EDRF1: variants seen among roughly 807,000 people sequenced by gnomAD.
EDRF1 encodes the protein erythroid differentiation regulatory factor 1.
A neutral mutation model predicts 148.7 loss-of-function variants in EDRF1; 69 were observed. That is an observed-to-expected ratio of 0.46 (90% CI 0.38 to 0.57). The LOEUF (loss-of-function observed/expected upper bound fraction) is 0.57. Ranked by LOEUF, EDRF1 falls within the 20% of genes least tolerant of loss-of-function variation. The pLI, the probability that EDRF1 is intolerant of heterozygous loss-of-function variation, is 0.00. For synonymous variants in EDRF1, 515 were observed against 532.8 expected, an observed-to-expected ratio of 0.97 and a Z score of 0.46; for missense variants, 1,118 against 1,478.7, an observed-to-expected ratio of 0.76 and a Z score of 4.00.
rs1306508900 is a variant in EDRF1 at position 125,719,975 on chromosome 10, G to C, written c.108+60G>C. 1.4e-5 allele frequency: 20 copies of C among 1,480,082 alleles called. No individual in the cohort carries two copies. In the East Asian group the frequency reaches 3.7e-4, roughly 27 times the overall value. 91.7% of individuals were successfully genotyped at this position (1,480,082 alleles called of 1,614,324 possible). A position where few individuals can be genotyped will look rare whatever the true frequency, so the allele number is the denominator to read the frequency against. Reference sequence around the variant, plus strand: ...GTGGGAGCGGAGGACCCGCTCCACCGGGGAGGGATGCCACGGTTCCCGGCA... The same window carrying C: ...GTGGGAGCGGAGGACCCGCTCCACCCGGGAGGGATGCCACGGTTCCCGGCA... On this transcript the variant is annotated intron_variant, in intron 1 of 24. Transcript: ENST00000356792.
At chr10:125,724,088 A>G in intron 4 of EDRF1, 152 bp downstream of exon 4, 1 of 873,626 alleles carries the variant, frequency 1.1e-6, no homozygotes, top group Middle Eastern at 3.5e-4. Flanking sequence ...GAAAAGCTTG[A>G]ATGAAGAAAA....
chr10:125,726,116 C>T lies in EDRF1; in HGVS notation c.792+278C>T, dbSNP rs116343464. Among the ~76,000 whole-genome samples, 776 of 151,962 alleles carry T rather than the reference C, an allele frequency of 5.1e-3. 2 individuals are homozygous for T. Among genetic ancestry groups the T allele is most frequent in the African/African-American group, 0.017 (686 of 41,462 alleles). On this transcript the variant is annotated intron_variant, in intron 6 of 24. Transcript: ENST00000356792. ...ATATGTTTATTAATACTGATTATCT[C>T]CTTCAAGTGATGAGTATTATATAGA...
intron 19 of EDRF1, chr10:125,747,054 T>C (rs749370381): frequency 2.0e-4 from 31 of 156,210 alleles, no homozygotes; most frequent in East Asian, 1.1e-3. Context: ...ACACCAGAAA[T>C]GTAGAAATTA....
At chr10:125,762,479 T>C (rs555783892) in intron 24 of EDRF1, among the ~76,000 whole-genome samples, 7 of 149,620 alleles carry the variant, frequency 4.7e-5, no homozygotes, top group East Asian at 2.0e-4. Flanking sequence ...GGTCTCCACC[T>C]GGACTCATTT....
chr10:125,734,194 C>T lies in EDRF1; in HGVS notation c.1497+11C>T, dbSNP rs1477229050. ...AGTAGGCATCCTCAAGTAAGATTAA[C>T]ATTTATGTATTCTCTAAAACAATCC... On this transcript the variant is annotated intron_variant, in intron 12 of 24. Transcript: ENST00000356792. The T allele has an allele frequency of 6.4e-7, 1 of 1,560,610 alleles. No individual in the cohort carries two copies. The highest frequency in any genetic ancestry group is 1.4e-5 in the African/African-American group (1 of 73,786).
intron 2 of EDRF1, among the ~76,000 whole-genome samples, 160 bp from the exon 3 acceptor site, chr10:125,722,908 A>G (rs1258214757): frequency 6.6e-6 from 1 of 152,182 alleles, no homozygotes; most frequent in African/African-American, 2.4e-5. Context: ...AGAAAAAAAA[A>G]CTTGCCAACT....
rs756498543 is a variant in EDRF1 at position 125,742,164 on chromosome 10, A to G, written c.2372-894A>G. 1.1e-4 allele frequency: 124 copies of G among 1,175,978 alleles called. No homozygotes were observed. The South Asian group carries it at 1.2e-3, about 11-fold the overall frequency. 72.8% of individuals were successfully genotyped at this position (1,175,978 alleles called of 1,614,324 possible). ...GAAATAAAGTGATCATTGTTTTTAA[A>G]GTTAGTTCATAGCCACCTGTCTTGC... On this transcript the variant is annotated intron_variant, in intron 17 of 24. Transcript: ENST00000356792.
rs1848611839 is a variant in EDRF1 at position 125,734,052 on chromosome 10, G to C, written c.1386-20G>C. The C allele has an allele frequency of 6.3e-7, 1 of 1,584,960 alleles. No homozygotes were observed. Among genetic ancestry groups the C allele is most frequent in the Non-Finnish European group, 8.7e-7 (1 of 1,153,870 alleles). Reference sequence around the variant, plus strand: ...CAACGATGAAATGGGCAGTAAAGTTGATATAAACTCTTTTTTTAGGGTTGC... The same window carrying C: ...CAACGATGAAATGGGCAGTAAAGTTCATATAAACTCTTTTTTTAGGGTTGC... On this transcript the variant is annotated intron_variant, in intron 11 of 24. Transcript: ENST00000356792.
chr10:125,724,350 G>A (rs1381916945), intron 4 of EDRF1, among the ~76,000 whole-genome samples: 1 of 152,186 alleles, frequency 6.6e-6, no homozygotes, highest in African/African-American at 2.4e-5. Flanking sequence ...TTCCCATAAT[G>A]ACGTTTCAGT....
At chr10:125,729,201 C>A (rs192687164) in intron 7 of EDRF1, 97 bp downstream of exon 7, 2 of 1,450,706 alleles carry the variant, frequency 1.4e-6, no homozygotes, top group Admixed American at 4.0e-5. Flanking sequence ...AAAAACTCCA[C>A]TTGATCCTGA....
intron 2 of EDRF1, among the ~76,000 whole-genome samples, chr10:125,722,572 A>T (rs1848060692): frequency 6.6e-6 from 1 of 151,750 alleles, no homozygotes; most frequent in Non-Finnish European, 1.5e-5. Flanking sequence ...ATTTTTTTTT[A>T]ATTTCCTTTT....
At chr10:125,741,300 T>C (rs768071478) in intron 17 of EDRF1, 99 bp downstream of exon 17, 1 of 1,083,322 alleles carries the variant, frequency 9.2e-7, no homozygotes, top group Non-Finnish European at 1.4e-6. Context: ...TATTAGAGTT[T>C]TGATATTTGC....
At chr10:125,721,911 G>A (rs568839334) in intron 2 of EDRF1, among the ~76,000 whole-genome samples, 31 of 152,322 alleles carry the variant, frequency 2.0e-4, no homozygotes, top group African/African-American at 7.5e-4. Context: ...AGAGTAGCCT[G>A]AGGTCTTATA....
chr10:125,745,956 C>T, intron 19 of EDRF1, 26 bp downstream of exon 19: 1 of 1,604,084 alleles, frequency 6.2e-7, no homozygotes, highest in Non-Finnish European at 8.5e-7. Context: ...ACATGTTGGG[C>T]CTCACCCATT....
rs746277815 is a variant in EDRF1, at chr10:125,734,102, T to C, written c.1416T>C (p.Asn472=). 2 of 1,613,216 alleles carry C rather than the reference T, an allele frequency of 1.2e-6. No homozygotes were observed. Among genetic ancestry groups the C allele is most frequent in the East Asian group, 4.5e-5 (2 of 44,832 alleles). Residue 472 remains asparagine, a synonymous_variant, in exon 12 of 25, where the codon AAT becomes AAC. Transcript: ENST00000356792. Reference sequence around the variant, plus strand: ...CTTGCAACATGATGATGAAGAAGAATCAAAATAAGAAACACTATGGAACTA... The same window carrying C: ...CTTGCAACATGATGATGAAGAAGAACCAAAATAAGAAACACTATGGAACTA... The part of the protein sequence containing the change: ...KVACNMMMKK[N]QNKKHYGTIR...
chr10:125,746,287 A>G (rs1227145728), intron 19 of EDRF1, among the ~76,000 whole-genome samples: 2 of 152,254 alleles, frequency 1.3e-5, no homozygotes, highest in East Asian at 1.9e-4. Context: ...CCAGCATGGC[A>G]CAGTAAGCAG....
intron 15 of EDRF1, among the ~76,000 whole-genome samples, chr10:125,738,951 C>T (rs1848872547): frequency 6.6e-6 from 1 of 152,156 alleles, no homozygotes; most frequent in African/African-American, 2.4e-5. Context: ...CTGCACAGTA[C>T]TTGAATAAGC....
intron 24 of EDRF1, among the ~76,000 whole-genome samples, chr10:125,759,859 C>T (rs375476749): frequency 6.6e-5 from 10 of 152,206 alleles, no homozygotes; most frequent in East Asian, 3.9e-4. Flanking sequence ...TACAGGCATC[C>T]GCCACCACAC....
At chr10:125,723,709 T>C in intron 3 of EDRF1, 102 bp from the exon 4 acceptor site, 1 of 1,234,562 alleles carries the variant, frequency 8.1e-7, no homozygotes. Context: ...CTTAAGGAAA[T>C]AAGGTTTATT....
Sources: allele counts gnomAD v4.1 joint callset (sites outside exome capture counted in the v4.1 genomes callset), GRCh38; gene constraint gnomAD v4.1.1; transcripts MANE v1.5; gene names NCBI Gene and HGNC (gene_info 2026-07-23, HGNC 2026-07-21).